The following TRPM5 variants were observed in gnomAD, a reference collection of about 807,000 sequenced individuals.
The protein encoded by TRPM5 is transient receptor potential cation channel subfamily M member 5, also known as MLSN1 and TRP-related.
Under a neutral mutation model 124.9 loss-of-function variants are expected in TRPM5, and 121 were observed. The observed-to-expected ratio is 0.97, with a 90% CI of 0.84 to 1.13. The LOEUF (loss-of-function observed/expected upper bound fraction) is 1.13, where lower values mean the gene tolerates loss of function less well. TRPM5 is among the 50% of genes most tolerant of loss of function. The pLI is 0.00. For missense variants in TRPM5, 1,643 were observed against 1,589.1 expected (o/e 1.03, Z -0.58); for synonymous variants, 781 against 700.5 (o/e 1.11, Z -1.81).
upstream of TRPM5, among the ~76,000 whole-genome samples, chr11:2,423,850 C>T (rs531541865): frequency 4.6e-5 from 7 of 152,376 alleles, no homozygotes; most frequent in East Asian, 1.2e-3. Flanking sequence ...GGCTCCGCCC[C>T]TGCCCACAGC....
upstream of TRPM5, among the ~76,000 whole-genome samples, chr11:2,423,385 C>A (rs1412068511): frequency 6.6e-6 from 1 of 152,212 alleles, no homozygotes; most frequent in Admixed American, 6.5e-5. Context: ...GCAGACATTT[C>A]TCCAGAGGCC....
At chr11:2,416,647 T>C (rs1845686823) in intron 7 of TRPM5, among the ~76,000 whole-genome samples, 1 of 152,256 alleles carries the variant, frequency 6.6e-6, no homozygotes, top group Admixed American at 6.5e-5. Context: ...TTTGACCTCC[T>C]TGTCCTGGTG....
chr11:2,422,878 G>T, intron 1 of TRPM5, 42 bp downstream of exon 6: 1 of 1,556,220 alleles, frequency 6.4e-7, no homozygotes, highest in Non-Finnish European at 8.9e-7. Flanking sequence ...ATGGGTTCCA[G>T]GTCAAGGCGG....
In TRPM5 at chr11:2,407,312, C is replaced by T; in HGVS notation, c.2937-12G>A. 3 of 1,603,056 alleles carry T rather than the reference C, an allele frequency of 1.9e-6. No individual in the cohort carries two copies. Among genetic ancestry groups the T allele is most frequent in the Non-Finnish European group, 2.5e-6 (3 of 1,176,648 alleles). ...CCTGGAACGTGTAGCTGCAGGGGCA[C>T]AGCTGAGCCGTCACCTACCGGCTCC... On this transcript the variant is annotated splice_polypyrimidine_tract_variant and intron_variant, in intron 19 of 23. Transcript: ENST00000155858.
chr11:2,421,104 C>G, exon 3 of TRPM5: 1 of 1,548,410 alleles, frequency 6.5e-7, no homozygotes, highest in South Asian at 1.2e-5. Flanking sequence ...CCACACGGAC[C>G]TTGGTGGACG....
chr11:2,418,079 TG>T, intron 6 of TRPM5, 87 bp downstream of exon 11: 1 of 1,271,754 alleles, frequency 7.9e-7, no homozygotes. Flanking sequence ...AGGAGTGGGC[TG>T]GAGGCTGCAT....
intron 21 of TRPM5, among the ~76,000 whole-genome samples, chr11:2,406,324 C>T (rs1410066564): frequency 2.0e-5 from 3 of 152,166 alleles, no homozygotes; most frequent in South Asian, 2.1e-4. Flanking sequence ...CCTGCCTGGG[C>T]GCACCACCCA....
chr11:2,409,653 G>A (rs1850402082), intron 18 of TRPM5, among the ~76,000 whole-genome samples: 1 of 152,334 alleles, frequency 6.6e-6, no homozygotes, highest in South Asian at 2.1e-4. Flanking sequence ...GCAGCATGAG[G>A]GGCTGGGTCA....
At chr11:2,432,904 C>T in the TRPM5 span, among the ~76,000 whole-genome samples, 19 of 152,344 alleles carry the variant, frequency 1.2e-4, no homozygotes, top group South Asian at 3.7e-3. Context: ...AGCCCGAAGC[C>T]ATGCAGTGGG....
At chr11:2,405,065 CT>C in intron 23 of TRPM5, 22 bp from the exon 29 acceptor site, 1 of 1,603,206 alleles carries the variant, frequency 6.2e-7, no homozygotes, top group South Asian at 1.1e-5. Context: ...GAAGGCCCCC[CT>C]GAGCGGTGGG....
the TRPM5 span, among the ~76,000 whole-genome samples, chr11:2,431,192 A>G: frequency 6.6e-6 from 1 of 152,064 alleles, no homozygotes; most frequent in Non-Finnish European, 1.5e-5. Context: ...TGTTGAGCTC[A>G]GAAACCCAGA....
chr11:2,411,728 G>A lies in TRPM5; in HGVS notation c.2514C>T (p.Leu838=), dbSNP rs148479286. 49 of 1,612,656 alleles carry A rather than the reference G, an allele frequency of 3.0e-5. No individual in the cohort carries two copies. The African/African-American group carries it at 5.1e-4, about 17-fold the overall frequency. Residue 838 remains leucine (L), a synonymous_variant, in exon 17 of 24, where the codon CTC becomes CTT. Coordinates refer to ENST00000155858, the Ensembl canonical transcript of TRPM5. The stretch of plus-strand genomic sequence containing the variant: ...GCGTGAACACCATGAAGTCCATGGC[G>A]AGGACTGTGCGGCCAGCCTCAAACG...
intron 4 of TRPM5, 76 bp from the exon 10 acceptor site, chr11:2,418,667 CCA>C (rs1188232255): frequency 6.9e-7 from 1 of 1,456,134 alleles, no homozygotes; most frequent in Non-Finnish European, 9.3e-7. Flanking sequence ...TCTCAGGCCA[CCA>C]CATTTTCTGG....
At chr11:2,432,748 C>A in the TRPM5 span, among the ~76,000 whole-genome samples, 2 of 152,250 alleles carry the variant, frequency 1.3e-5, no homozygotes, top group African/African-American at 4.8e-5. Flanking sequence ...GGCCCAGGGT[C>A]CCCATGCCAG....
At chr11:2,415,560 G>C in intron 8 of TRPM5, 89 bp from the exon 14 acceptor site, 1 of 923,326 alleles carries the variant, frequency 1.1e-6, no homozygotes, top group Non-Finnish European at 1.6e-6. Context: ...AGAGCAGGGA[G>C]CATGGGGATC....
At chr11:2,426,430 C>T (rs1412358360), upstream of TRPM5, among the ~76,000 whole-genome samples, 1 of 152,132 alleles carries the variant, frequency 6.6e-6, no homozygotes, top group Non-Finnish European at 1.5e-5. Flanking sequence ...TCTTCTGCAC[C>T]CCTCCCTGTG....
At chr11:2,444,204 G>C in the TRPM5 span, among the ~76,000 whole-genome samples, 1 of 152,134 alleles carries the variant, frequency 6.6e-6, no homozygotes, top group African/African-American at 2.4e-5. Context: ...GGGCCCTGGT[G>C]GGAAGCGACC....
downstream of TRPM5, among the ~76,000 whole-genome samples, chr11:2,404,042 C>G (rs1009237976): frequency 2.6e-5 from 4 of 152,200 alleles, no homozygotes; most frequent in Non-Finnish European, 5.9e-5. Context: ...CAGGCCTCCT[C>G]TAGGGCTTGT....
intron 12 of TRPM5, 141 bp from the exon 18 acceptor site, chr11:2,413,729 C>A: frequency 1.2e-6 from 1 of 830,286 alleles, no homozygotes; most frequent in Non-Finnish European, 2.0e-6. Context: ...CCGGAGCCCC[C>A]GTCCTGGTGG....
Sources: allele counts gnomAD v4.1 joint callset (sites outside exome capture counted in the v4.1 genomes callset), GRCh38; gene constraint gnomAD v4.1.1; transcripts MANE v1.5; gene names NCBI Gene and HGNC (gene_info 2026-07-23, HGNC 2026-07-21).